MEF2A: variants seen among roughly 807,000 people sequenced by gnomAD.
MEF2A encodes myocyte enhancer factor 2A.
Under a neutral mutation model 55.8 loss-of-function variants are expected in MEF2A, and 28 were observed. The ratio of observed to expected loss-of-function variants is 0.50; its 90% CI spans 0.37 to 0.69. The LOEUF is 0.69. Among genes scored for constraint, MEF2A ranks in the 30% least tolerant of loss-of-function variants. The pLI is 0.00. For missense variants in MEF2A, 528 were observed against 626.2 expected, an observed-to-expected ratio of 0.84 and a Z score of 1.67; for synonymous variants, 239 against 227.1, an observed-to-expected ratio of 1.05 and a Z score of -0.47.
chr15:99,628,210 T>A (rs1008028375), intron 2 of MEF2A, among the ~76,000 whole-genome samples: 13 of 152,206 alleles, frequency 8.5e-5, no homozygotes, highest in Non-Finnish European at 1.5e-4. Context: ...GCAATCCATG[T>A]ATATGTATCT....
chr15:99,703,489 T>C, intron 9 of MEF2A, 104 bp downstream of exon 9: 1 of 1,136,648 alleles, frequency 8.8e-7, no homozygotes, highest in South Asian at 1.8e-5. Context: ...ACACAAATTT[T>C]TTTAAACACT....
At chr15:99,698,820 A>G (rs1434462620) in intron 8 of MEF2A, among the ~76,000 whole-genome samples, 1 of 152,038 alleles carries the variant, frequency 6.6e-6, no homozygotes, top group African/African-American at 2.4e-5. Flanking sequence ...CGCAAAAACT[A>G]GAAATGCTGG....
At chr15:99,702,659 G>A (rs984002655) in intron 8 of MEF2A, among the ~76,000 whole-genome samples, 7 of 152,022 alleles carry the variant, frequency 4.6e-5, no homozygotes, top group Admixed American at 3.3e-4. Context: ...AACTCCTGAC[G>A]TGAGCCACCG....
At position 99,712,962 on chromosome 15, in the gene MEF2A, AC is replaced by A; in HGVS notation, c.*193del. ...GTTACATACACAGAATCAGGCACTT[AC>A]CTGCAAACTCCTTGTAGGTCTGCAG... On this transcript the variant is annotated 3_prime_UTR_variant, in exon 12 of 12. Transcript: ENST00000557942. This position sits in a 1 kb window ranked among gnomAD's most constrained non-coding sequence, Gnocchi z 4.1. 1.5e-6 allele frequency: 1 copy of A among 662,162 alleles called. No individual in the cohort carries two copies. The highest frequency in any genetic ancestry group is 2.5e-6 in the Non-Finnish European group (1 of 400,234). 41.0% of individuals were successfully genotyped at this position (662,162 alleles called of 1,614,324 possible).
chr15:99,675,867 GTC>G (rs1014513325), intron 7 of MEF2A, among the ~76,000 whole-genome samples: 1 of 152,054 alleles, frequency 6.6e-6, no homozygotes, highest in African/African-American at 2.4e-5. Flanking sequence ...GTGAAACCCT[GTC>G]TCTACTAAAA....
chr15:99,651,188 T>C (rs1045495886), intron 4 of MEF2A, among the ~76,000 whole-genome samples: 1 of 152,150 alleles, frequency 6.6e-6, no homozygotes, highest in African/African-American at 2.4e-5. Flanking sequence ...TGAGTGTGGT[T>C]TCTTTGAGGG....
chr15:99,702,564 A>C (rs1295983117), intron 8 of MEF2A, among the ~76,000 whole-genome samples: 1 of 150,814 alleles, frequency 6.6e-6, no homozygotes, highest in Non-Finnish European at 1.5e-5. Context: ...AGTAGCTGGG[A>C]TTATAGGCAC....
intron 2 of MEF2A, among the ~76,000 whole-genome samples, chr15:99,610,697 C>T (rs1449694047): frequency 6.6e-6 from 1 of 151,796 alleles, no homozygotes; most frequent in Non-Finnish European, 1.5e-5. Context: ...ACAATGATGC[C>T]AAGACAGTTC....
At chr15:99,630,179 A>G (rs1220998002) in intron 2 of MEF2A, among the ~76,000 whole-genome samples, 2 of 151,712 alleles carry the variant, frequency 1.3e-5, no homozygotes, top group Non-Finnish European at 2.9e-5. Flanking sequence ...GTCTTCAGAT[A>G]TTTTTTTCTT....
At chr15:99,667,876 G>T (rs577333008) in intron 4 of MEF2A, among the ~76,000 whole-genome samples, 10 of 152,206 alleles carry the variant, frequency 6.6e-5, no homozygotes, top group Admixed American at 3.9e-4. Context: ...AGATAACTTG[G>T]CATGTGCTCT....
At chr15:99,591,316 G>A (rs999467204) in intron 1 of MEF2A, among the ~76,000 whole-genome samples, 9 of 151,480 alleles carry the variant, frequency 5.9e-5, no homozygotes, top group African/African-American at 2.2e-4. Flanking sequence ...AGCTTACAGA[G>A]TTTTTTTTTG....
chr15:99,626,959 T>C (rs1452046952), intron 2 of MEF2A, among the ~76,000 whole-genome samples: 2 of 152,052 alleles, frequency 1.3e-5, no homozygotes, highest in Non-Finnish European at 2.9e-5. Flanking sequence ...AAGATTGTAA[T>C]ATGAAGGGAA....
At chr15:99,625,204 C>T (rs1334682984) in intron 2 of MEF2A, among the ~76,000 whole-genome samples, 1 of 152,114 alleles carries the variant, frequency 6.6e-6, no homozygotes, top group Non-Finnish European at 1.5e-5. Context: ...TCTGTATTCT[C>T]TTTGATTCCA....
intron 8 of MEF2A, among the ~76,000 whole-genome samples, chr15:99,695,919 G>C (rs1419480268): frequency 1.3e-5 from 2 of 150,558 alleles, no homozygotes; most frequent in Non-Finnish European, 3.0e-5. Context: ...TAAAGACATA[G>C]ATAAAAGAAG....
At chr15:99,659,617 A>C (rs925778914) in intron 4 of MEF2A, among the ~76,000 whole-genome samples, 2 of 152,184 alleles carry the variant, frequency 1.3e-5, no homozygotes, top group African/African-American at 4.8e-5. Context: ...CACTAGACTT[A>C]GATTCTAGTC....
chr15:99,671,411 G>A lies in MEF2A; in HGVS notation c.347G>A (p.Ser116Asn), dbSNP rs1135567. ...EHSPLSEDRF[S>N]KLNEDSDFIF... is the part of the protein sequence containing the mutation. ...AGTCCACTCTCGGAGGACAGATTCAGCAAACTAAATGAAGATAGTGATTTT... is the reference window on the plus strand; with the variant it reads ...AGTCCACTCTCGGAGGACAGATTCAACAAACTAAATGAAGATAGTGATTTT... The change falls in exon 5 of 12, where the codon AGC becomes AAC. Residue 116 changes from serine (S) to asparagine (N), a missense_variant. Physicochemically the swap from Ser to Asn is conservative, Grantham distance 46 (BLOSUM62 1). Transcript: ENST00000557942. 1.2e-6 allele frequency: 2 copies of A among 1,613,906 alleles called. No individual in the cohort carries two copies. Among genetic ancestry groups the A allele is most frequent in the East Asian group, 4.5e-5 (2 of 44,880 alleles).
At chr15:99,699,159 T>C (rs549396351) in intron 8 of MEF2A, among the ~76,000 whole-genome samples, 4 of 152,318 alleles carry the variant, frequency 2.6e-5, no homozygotes, top group African/African-American at 7.2e-5. Context: ...GAAACCCGTA[T>C]CTTTCATAAT....
intron 9 of MEF2A, among the ~76,000 whole-genome samples, chr15:99,704,965 A>C (rs1335127899): frequency 2.0e-5 from 3 of 152,220 alleles, no homozygotes; most frequent in African/African-American, 7.2e-5. Flanking sequence ...TAAAATACAT[A>C]CCTAAAAACT....
chr15:99,583,894 T>C (rs1439223078), intron 1 of MEF2A, among the ~76,000 whole-genome samples: 2 of 152,108 alleles, frequency 1.3e-5, no homozygotes, highest in East Asian at 3.9e-4. Flanking sequence ...CATTAGCCAA[T>C]TTTGTTACTT....
Sources: allele counts gnomAD v4.1 joint callset (sites outside exome capture counted in the v4.1 genomes callset), GRCh38; gene constraint gnomAD v4.1.1; non-coding constraint Gnocchi (gnomAD v3.1); transcripts MANE v1.5; gene names NCBI Gene and HGNC (gene_info 2026-07-23, HGNC 2026-07-21).